The following TMEM54 variants were observed in gnomAD, a reference collection of about 807,000 sequenced individuals.
The protein encoded by TMEM54 is transmembrane protein 54, also known as beta-casein-like protein.
TMEM54 carries 21 observed loss-of-function variants against 21.3 expected under a neutral mutation model. That is an observed-to-expected ratio of 0.99 (90% CI 0.70 to 1.42). TMEM54 has a LOEUF of 1.42. Ranked by LOEUF, TMEM54 falls within the 40% of genes most tolerant of loss-of-function variation. The probability of loss-of-function intolerance (pLI) is 0.00; values close to 1 mark genes in which losing one functional copy is unlikely to be tolerated. For missense variants in TMEM54, 246 were observed against 294.0 expected (o/e 0.84, Z 1.19); for synonymous variants, 109 against 125.0 (o/e 0.87, Z 0.86).
chr1:32,895,591 G>A lies in TMEM54; in HGVS notation c.423C>T (p.Leu141=), dbSNP rs947616637. The A allele has an allele frequency of 1.5e-5, 24 of 1,584,838 alleles. No homozygotes were observed. Among genetic ancestry groups the A allele is most frequent in the Non-Finnish European group, 2.0e-5 (23 of 1,165,524 alleles). ...CTFGSSELLA[L]APDCPFDPTR... ...TGGGGTCGAAGGGACAGTCAGGTGC[G>A]AGGGCCAGTAGTTCAGAGCTCCCAA... The change falls in exon 4 of 6, where the codon CTC becomes CTT. Residue 141 remains leucine (L), a synonymous_variant. Coordinates refer to ENST00000373463, the MANE Select transcript of TMEM54 (RefSeq NM_033504.4). This position sits in a 1 kb window ranked among gnomAD's most constrained non-coding sequence, Gnocchi z 5.8.
At position 32,895,451 on chromosome 1, in the gene TMEM54, G is replaced by C. The variant is rs991928660; in HGVS notation, c.460-12C>G. The C allele has an allele frequency of 1.2e-5, 20 of 1,606,910 alleles. No homozygotes were observed. Among genetic ancestry groups the C allele is most frequent in the Non-Finnish European group, 1.7e-5 (20 of 1,174,808 alleles). On this transcript the variant is annotated splice_polypyrimidine_tract_variant and intron_variant, in intron 4 of 5. Transcript: ENST00000373463. This position sits in a 1 kb window ranked among gnomAD's most constrained non-coding sequence, Gnocchi z 5.8. Reference sequence around the variant, plus strand: ...CACAGGCTGGAGCTCTGCGGGGCATGGGGCAGAGATGGCTGGCTGGAGTTG... The same window carrying C: ...CACAGGCTGGAGCTCTGCGGGGCATCGGGCAGAGATGGCTGGCTGGAGTTG...
chr1:32,900,899 G>A (rs1641710335), intron 1 of TMEM54, among the ~76,000 whole-genome samples: 1 of 152,114 alleles, frequency 6.6e-6, no homozygotes, highest in African/African-American at 2.4e-5. Flanking sequence ...GGTAAGATGG[G>A]GCTGCTCTCT....
chr1:32,899,734 C>T (rs550950199), intron 1 of TMEM54, among the ~76,000 whole-genome samples: 7 of 152,280 alleles, frequency 4.6e-5, no homozygotes, highest in East Asian at 3.9e-4. Flanking sequence ...CTACACTGGA[C>T]GCTCTGGGAC....
rs1049050751 is a variant in TMEM54, at chr1:32,895,825, C to T, written c.271-82G>A. The T allele has an allele frequency of 1.4e-5, 22 of 1,562,002 alleles. No individual in the cohort carries two copies. In the African/African-American group the frequency reaches 1.5e-4, roughly 11 times the overall value. ...CTGGCCTCCCTGAGGGTCAGCCTTA[C>T]CCTCTCCAAGGAGGCCAGGCCCTTG... On this transcript the variant is annotated intron_variant, in intron 3 of 5. Coordinates refer to ENST00000373463, the MANE Select transcript of TMEM54 (RefSeq NM_033504.4). The surrounding 1 kb of genome is among the most constrained non-coding windows in gnomAD (Gnocchi z 5.8).
chr1:32,901,277 G>T lies in TMEM54; in HGVS notation c.-39C>A. The T allele has an allele frequency of 7.4e-7, 1 of 1,354,858 alleles. No individual in the cohort carries two copies. 83.9% of individuals were successfully genotyped at this position (1,354,858 alleles called of 1,614,324 possible). ...TGGTCCCGCCCCCGGCTTCAGCGCGGCTCCCGAGGCTGCGGGCCGCCGGGG... is the reference window on the plus strand; with the variant it reads ...TGGTCCCGCCCCCGGCTTCAGCGCGTCTCCCGAGGCTGCGGGCCGCCGGGG... On this transcript the variant is annotated 5_prime_UTR_variant, in exon 1 of 6. Coordinates refer to ENST00000373463, the MANE Select transcript of TMEM54 (RefSeq NM_033504.4). This position sits in a 1 kb window ranked among gnomAD's most constrained non-coding sequence, Gnocchi z 4.2.
In TMEM54 at chr1:32,901,202, C is replaced by A. The variant is rs781090621; in HGVS notation, c.16+21G>T. 3 of 1,486,184 alleles carry A rather than the reference C, an allele frequency of 2.0e-6. No individual in the cohort carries two copies. In the African/African-American group the frequency reaches 4.3e-5, roughly 21 times the overall value. The allele number at this position is 1,486,184 out of a possible 1,614,324, so 92.1% of individuals were successfully genotyped here. The stretch of plus-strand genomic sequence containing the variant: ...AGGGTTGGGGTGGTTCGGGGCCTCC[C>A]GCGCGCCCCCAGTCGCTCACCGAGG... On this transcript the variant is annotated intron_variant, in intron 1 of 5. Coordinates refer to ENST00000373463, the MANE Select transcript of TMEM54 (RefSeq NM_033504.4). This position sits in a 1 kb window ranked among gnomAD's most constrained non-coding sequence, Gnocchi z 4.2.
Position 32,895,578 on chromosome 1 carries a change from G to A in TMEM54, c.436C>T (p.Pro146Ser). 1 of 1,590,426 alleles carries A rather than the reference G, an allele frequency of 6.3e-7. No homozygotes were observed. Among genetic ancestry groups the A allele is most frequent in the Middle Eastern group, 1.7e-4 (1 of 6,032 alleles). Residue 146 changes from proline to serine, a missense_variant, in exon 4 of 6, where the codon CCC (proline) becomes TCC (serine). Pro to Ser is a moderately conservative substitution (Grantham distance 74). Transcript: ENST00000373463. The surrounding 1 kb of genome is among the most constrained non-coding windows in gnomAD (Gnocchi z 5.8). ...ACATAAATGCGTGTGGGGTCGAAGG[G>A]ACAGTCAGGTGCGAGGGCCAGTAGT... ...SELLALAPDCPFDPTRIYSSS... is the reference protein window; with the variant it reads ...SELLALAPDCSFDPTRIYSSS...
rs75862131 is a variant in TMEM54 at position 32,896,932 on chromosome 1, T to C, written c.211-963A>G. On this transcript the variant is annotated intron_variant, in intron 2 of 5. Transcript: ENST00000373463. This position sits in a 1 kb window ranked among gnomAD's most constrained non-coding sequence, Gnocchi z 4.1. ...TTTCCAATCTGGTTTGGCTTCTGTG[T>C]ATCAGCAGGAGGTTGGGTGAATCCC... Among the ~76,000 whole-genome samples, 255 of 152,380 alleles carry C rather than the reference T, an allele frequency of 1.7e-3. 8 individuals carry two copies. In the East Asian group the frequency reaches 0.044, roughly 26 times the overall value.
chr1:32,895,784 GC>G lies in TMEM54; in HGVS notation c.271-42del, dbSNP rs1386120664. The G allele has an allele frequency of 1.9e-6, 3 of 1,546,652 alleles. No homozygotes were observed. In the South Asian group the frequency reaches 3.6e-5, roughly 19 times the overall value. On this transcript the variant is annotated intron_variant, in intron 3 of 5. Coordinates refer to ENST00000373463, the MANE Select transcript of TMEM54 (RefSeq NM_033504.4). The surrounding 1 kb of genome is among the most constrained non-coding windows in gnomAD (Gnocchi z 5.8). The stretch of plus-strand genomic sequence containing the variant: ...CACTGGTCAATGGGCGTCGTGCTTG[GC>G]CCCCATGGGCAGCTCTGGCCTCCCT...
Position 32,901,347 on chromosome 1 carries a change from C to A in TMEM54, c.-109G>T. 8.4e-6 allele frequency: 9 copies of A among 1,076,156 alleles called. No homozygotes were observed. The highest frequency in any genetic ancestry group is 9.3e-6 in the Non-Finnish European group (8 of 858,392). 66.7% of individuals were successfully genotyped at this position (1,076,156 alleles called of 1,614,324 possible). ...TGGCCCGTCGCCCGCGCGCCCCGCA[C>A]CGTCGCGCTCGCCCACTTCCCGCCC... is the stretch of plus-strand genomic sequence containing the variant. On this transcript the variant is annotated 5_prime_UTR_variant, in exon 1 of 6. Transcript: ENST00000373463. The surrounding 1 kb of genome is among the most constrained non-coding windows in gnomAD (Gnocchi z 4.2).
rs764741752 is a variant in TMEM54, at chr1:32,898,369, G to C, written c.17-50C>G. On this transcript the variant is annotated intron_variant, in intron 1 of 5. Coordinates refer to ENST00000373463, the MANE Select transcript of TMEM54 (RefSeq NM_033504.4). Reference sequence around the variant, plus strand: ...CTGTGCGTGGGGCTTATCCTGCTGGGCAGAAGGGGAAGCTGAGGCCCTGGC... The same window carrying C: ...CTGTGCGTGGGGCTTATCCTGCTGGCCAGAAGGGGAAGCTGAGGCCCTGGC... 9 of 1,526,112 alleles carry C rather than the reference G, an allele frequency of 5.9e-6. No homozygotes were observed. In the South Asian group the frequency reaches 6.2e-5, roughly 10 times the overall value. 94.5% of individuals were successfully genotyped at this position (1,526,112 alleles called of 1,614,324 possible).
Position 32,897,646 on chromosome 1 carries a change from A to T in TMEM54, c.210+480T>A, listed in dbSNP as rs536588320. On this transcript the variant is annotated intron_variant, in intron 2 of 5. Transcript: ENST00000373463. This position sits in a 1 kb window ranked among gnomAD's most constrained non-coding sequence, Gnocchi z 4.9. ...GCCATCTCAGCTTCCTTTCCTGCCT[A>T]TGCTAGCCTCAGCATGCCAATATGT... 6.5e-6 allele frequency: 1 copy of T among 153,290 alleles called. No homozygotes were observed. Among genetic ancestry groups the T allele is most frequent in the South Asian group, 2.1e-4 (1 of 4,866 alleles). 9.5% of individuals were successfully genotyped at this position (153,290 alleles called of 1,614,324 possible).
Position 32,896,091 on chromosome 1 carries a change from C to A in TMEM54, c.211-122G>T. ...ACCATTGCCCTCCAGACTCCCCCAC[C>A]CCTCACCTGCTGCTTAGCCTGGGCC... On this transcript the variant is annotated intron_variant, in intron 2 of 5. Coordinates refer to ENST00000373463, the MANE Select transcript of TMEM54 (RefSeq NM_033504.4). This position sits in a 1 kb window ranked among gnomAD's most constrained non-coding sequence, Gnocchi z 4.1. The A allele has an allele frequency of 9.9e-7, 1 of 1,012,202 alleles. No individual in the cohort carries two copies. The highest frequency in any genetic ancestry group is 1.4e-6 in the Non-Finnish European group (1 of 702,722). 62.7% of individuals were successfully genotyped at this position (1,012,202 alleles called of 1,614,324 possible). A position where few individuals can be genotyped will look rare whatever the true frequency, so the allele number is the denominator to read the frequency against.
Position 32,901,298 on chromosome 1 carries a change from C to T in TMEM54, c.-60G>A, listed in dbSNP as rs1412951952. ...CGCGGCTCCCGAGGCTGCGGGCCGC[C>T]GGGGGACCCTGCTCCCATCCCGCTG... On this transcript the variant is annotated 5_prime_UTR_variant, in exon 1 of 6. Coordinates refer to ENST00000373463, the MANE Select transcript of TMEM54 (RefSeq NM_033504.4). The surrounding 1 kb of genome is among the most constrained non-coding windows in gnomAD (Gnocchi z 4.2). 6 of 1,288,676 alleles carry T rather than the reference C, an allele frequency of 4.7e-6. No individual in the cohort carries two copies. The highest frequency in any genetic ancestry group is 2.4e-5 in the South Asian group (1 of 41,354). 79.8% of individuals were successfully genotyped at this position (1,288,676 alleles called of 1,614,324 possible). A position where few individuals can be genotyped will look rare whatever the true frequency, so the allele number is the denominator to read the frequency against.
chr1:32,900,368 T>C (rs1291049480), intron 1 of TMEM54, among the ~76,000 whole-genome samples: 1 of 152,148 alleles, frequency 6.6e-6, no homozygotes. Context: ...GCCTCCTGAG[T>C]AGCCGGGCTA....
intron 5 of TMEM54, 97 bp from the exon 6 acceptor site, chr1:32,894,976 G>T (rs879412084): frequency 2.0e-6 from 3 of 1,525,818 alleles, no homozygotes; most frequent in East Asian, 2.4e-5. Context: ...GGGCTGGAAG[G>T]CTCTCTGGGG....
intron 1 of TMEM54, among the ~76,000 whole-genome samples, chr1:32,899,904 A>C (rs1218050611): frequency 1.3e-5 from 2 of 152,198 alleles, no homozygotes; most frequent in Non-Finnish European, 2.9e-5. Context: ...CCAGTGTCTG[A>C]GACCCCTGGA....
In TMEM54 at chr1:32,895,843, G is replaced by C. The variant is rs1245513769; in HGVS notation, c.270+67C>G. 24 of 1,579,022 alleles carry C rather than the reference G, an allele frequency of 1.5e-5. No homozygotes were observed. Among genetic ancestry groups the C allele is most frequent in the Non-Finnish European group, 1.9e-5 (22 of 1,163,028 alleles). On this transcript the variant is annotated intron_variant, in intron 3 of 5. Transcript: ENST00000373463. This position sits in a 1 kb window ranked among gnomAD's most constrained non-coding sequence, Gnocchi z 5.8. Reference sequence around the variant, plus strand: ...AGCCTTACCCTCTCCAAGGAGGCCAGGCCCTTGGCGGGTGGCTGCTGCCCC... The same window carrying C: ...AGCCTTACCCTCTCCAAGGAGGCCACGCCCTTGGCGGGTGGCTGCTGCCCC...
In TMEM54 at chr1:32,896,906, G is replaced by A. The variant is rs1570036020; in HGVS notation, c.211-937C>T. On this transcript the variant is annotated intron_variant, in intron 2 of 5. Transcript: ENST00000373463. This position sits in a 1 kb window ranked among gnomAD's most constrained non-coding sequence, Gnocchi z 4.1. ...CTGGTTTTGGTGTCAGACACAAATA[G>A]TTTCCAATCTGGTTTGGCTTCTGTG... 6.6e-6 allele frequency among the ~76,000 whole-genome samples: 1 copy of A among 152,258 alleles called. No individual in the cohort carries two copies. Among genetic ancestry groups the A allele is most frequent in the Non-Finnish European group, 1.5e-5 (1 of 68,040 alleles).
Sources: allele counts gnomAD v4.1 joint callset (sites outside exome capture counted in the v4.1 genomes callset), GRCh38; gene constraint gnomAD v4.1.1; non-coding constraint Gnocchi (gnomAD v3.1); transcripts MANE v1.5; gene names NCBI Gene and HGNC (gene_info 2026-07-23, HGNC 2026-07-21).